Variants in SGMS2 observed in about 807,000 individuals in gnomAD.
SGMS2 encodes phosphatidylcholine:ceramide cholinephosphotransferase 2.
In SGMS2, 21 loss-of-function variants were observed where a neutral mutation model predicts 43.8. The ratio of observed to expected loss-of-function variants is 0.48; its 90% CI spans 0.34 to 0.69. The LOEUF (loss-of-function observed/expected upper bound fraction) is 0.69, where lower values mean the gene tolerates loss of function less well. Among genes scored for constraint, SGMS2 ranks in the 30% least tolerant of loss-of-function variants. The probability of loss-of-function intolerance (pLI) is 0.01; values close to 1 mark genes in which losing one functional copy is unlikely to be tolerated. For synonymous variants in SGMS2, 167 were observed against 160.6 expected, an observed-to-expected ratio of 1.04 and a Z score of -0.30; for missense variants, 384 against 443.2, an observed-to-expected ratio of 0.87 and a Z score of 1.20.
At chr4:107,840,768 G>A (rs981831798) in intron 1 of SGMS2, among the ~76,000 whole-genome samples, 1 of 152,148 alleles carries the variant, frequency 6.6e-6, no homozygotes, top group Admixed American at 6.5e-5. Flanking sequence ...ATGCTCTAGG[G>A]CCAATGGGAT....
chr4:107,910,303 A>G, intron 6 of SGMS2, 47 bp from the exon 7 acceptor site: 1 of 1,499,084 alleles, frequency 6.7e-7, no homozygotes, highest in Middle Eastern at 1.9e-4. Flanking sequence ...TTGGGATGCA[A>G]ATTGAGAAAG....
intron 2 of SGMS2, among the ~76,000 whole-genome samples, chr4:107,891,265 C>T (rs1033207513): frequency 6.6e-6 from 1 of 150,518 alleles, no homozygotes; most frequent in African/African-American, 2.5e-5. Context: ...TTGGTCAAAC[C>T]CAATGGGAAA....
At chr4:107,853,655 G>A (rs1727274774) in intron 1 of SGMS2, among the ~76,000 whole-genome samples, 1 of 152,140 alleles carries the variant, frequency 6.6e-6, no homozygotes, top group Non-Finnish European at 1.5e-5. Flanking sequence ...TTATAAAATG[G>A]GAGTTAGTCA....
intron 1 of SGMS2, among the ~76,000 whole-genome samples, chr4:107,843,546 G>C (rs1377870454): frequency 6.6e-6 from 1 of 152,188 alleles, no homozygotes; most frequent in Non-Finnish European, 1.5e-5. Context: ...TGGCAACAGA[G>C]ACTGGAGGAG....
In SGMS2 at chr4:107,911,212, G is replaced by A. The variant is rs895098765; in HGVS notation, c.*659G>A. 2.0e-5 allele frequency: 3 copies of A among 152,190 alleles called. No individual in the cohort carries two copies. The highest frequency in any genetic ancestry group is 2.9e-5 in the Non-Finnish European group (2 of 68,068). The allele number at this position is 152,190 out of a possible 1,614,324, so 9.4% of individuals were successfully genotyped here. Reference sequence around the variant, plus strand: ...AAGGAAAGCTGATCCAAGTAAACACGAAAGTATTTGACACACCCCACAGAT... The same window carrying A: ...AAGGAAAGCTGATCCAAGTAAACACAAAAGTATTTGACACACCCCACAGAT... On this transcript the variant is annotated 3_prime_UTR_variant, in exon 7 of 7. Coordinates refer to ENST00000690982, the MANE Select transcript of SGMS2 (RefSeq NM_001375905.1).
rs1168071880 is a variant in SGMS2, at chr4:107,901,811, G to T, written c.574-1422G>T. 3.3e-5 allele frequency among the ~76,000 whole-genome samples: 5 copies of T among 152,100 alleles called. No homozygotes were observed. In the East Asian group the frequency reaches 9.6e-4, roughly 29 times the overall value. ...ATTTTTCCACATACAAGAATGTTTG[G>T]CTGGGAGAGCAACATTCCCTTCCCT... On this transcript the variant is annotated intron_variant, in intron 4 of 6. Transcript: ENST00000690982.
chr4:107,877,331 C>T (rs1446372929), intron 2 of SGMS2, among the ~76,000 whole-genome samples: 1 of 152,070 alleles, frequency 6.6e-6, no homozygotes, highest in African/African-American at 2.4e-5. Context: ...TTCAACACCT[C>T]TCACTTCAAT....
intron 1 of SGMS2, among the ~76,000 whole-genome samples, chr4:107,844,736 TAATTTTAGATTCTAAAATGAACC>T (rs1325202246): frequency 1.6e-4 from 25 of 152,322 alleles, no homozygotes; most frequent in South Asian, 6.2e-4. Context: ...CATTAAGACT[TAATTTTAGATTCTAAAATGAACC>T]AATTTTAGAT....
chr4:107,910,626 T>C lies in SGMS2; in HGVS notation c.*73T>C. 7.0e-7 allele frequency: 1 copy of C among 1,421,702 alleles called. No individual in the cohort carries two copies. The highest frequency in any genetic ancestry group is 9.5e-7 in the Non-Finnish European group (1 of 1,048,304). The allele number at this position is 1,421,702 out of a possible 1,614,324, so 88.1% of individuals were successfully genotyped here. A position where few individuals can be genotyped will look rare whatever the true frequency, so the allele number is the denominator to read the frequency against. On this transcript the variant is annotated 3_prime_UTR_variant, in exon 7 of 7. Transcript: ENST00000690982. ...TAACCAAAGGTATAGTTTTGTTTTT[T>C]ATTTTAGGAGAACTGACTGGTAAAT...
chr4:107,827,287 A>G (rs764488307), intron 1 of SGMS2, among the ~76,000 whole-genome samples: 2 of 152,226 alleles, frequency 1.3e-5, no homozygotes, highest in Non-Finnish European at 2.9e-5. Flanking sequence ...AACGTTTAGT[A>G]TGCAACAACT....
At chr4:107,840,106 CCACATAACTTTTATA>C (rs1180207615) in intron 1 of SGMS2, among the ~76,000 whole-genome samples, 11 of 152,172 alleles carry the variant, frequency 7.2e-5, no homozygotes. Context: ...CTGTTTTAAT[CCACATAACTTTTATA>C]CACATATGCA....
chr4:107,879,278 A>G (rs1301617809), intron 2 of SGMS2, among the ~76,000 whole-genome samples: 1 of 152,036 alleles, frequency 6.6e-6, no homozygotes, highest in Non-Finnish European at 1.5e-5. Flanking sequence ...TTTGCTTTTC[A>G]TTAGATAGTT....
intron 2 of SGMS2, among the ~76,000 whole-genome samples, chr4:107,864,639 ATATT>A (rs766359658): frequency 6.6e-6 from 1 of 152,236 alleles, no homozygotes; most frequent in Non-Finnish European, 1.5e-5. Context: ...AAAATTGTAT[ATATT>A]AAGGTGTATA....
chr4:107,903,534 TGTGTGTGTGC>T (rs2126143745), intron 5 of SGMS2, 148 bp downstream of exon 5: 1 of 657,028 alleles, frequency 1.5e-6, no homozygotes, highest in East Asian at 2.8e-5. Flanking sequence ...AATGTGAATG[TGTGTGTGTGC>T]GTGTGTGTCT....
At chr4:107,829,757 T>A (rs1045084880) in intron 1 of SGMS2, among the ~76,000 whole-genome samples, 4 of 152,198 alleles carry the variant, frequency 2.6e-5, no homozygotes, top group African/African-American at 9.7e-5. Flanking sequence ...TTTTTTTAAA[T>A]TGAGACAGAG....
chr4:107,832,835 C>T (rs1204728924), intron 1 of SGMS2, among the ~76,000 whole-genome samples: 1 of 151,982 alleles, frequency 6.6e-6, no homozygotes, highest in Non-Finnish European at 1.5e-5. Flanking sequence ...TGAGACCAGC[C>T]CAGGCAACAT....
chr4:107,895,674 A>G lies in SGMS2; in HGVS notation c.121A>G (p.Lys41Glu). Residue 41 changes from lysine (K) to glutamate (E), a missense_variant, in exon 3 of 7, where the codon AAA becomes GAA. Physicochemically the swap from Lys to Glu is moderately conservative, Grantham distance 56. Transcript: ENST00000690982. ...VEEENKNGNG[K>E]PKSLSSGLRK... ...AGAAGAAAACAAAAATGGCAATGGT[A>G]AACCCAAGAGCTTATCCAGTGGGCT... is the stretch of plus-strand genomic sequence containing the variant. The G allele has an allele frequency of 6.2e-7, 1 of 1,614,030 alleles. No homozygotes were observed. The highest frequency in any genetic ancestry group is 8.5e-7 in the Non-Finnish European group (1 of 1,179,962).
chr4:107,829,954 G>T (rs1387387491), intron 1 of SGMS2, among the ~76,000 whole-genome samples: 2 of 152,062 alleles, frequency 1.3e-5, no homozygotes, highest in East Asian at 3.9e-4. Flanking sequence ...TGTCACAGGG[G>T]TTTGATGTAC....
intron 2 of SGMS2, among the ~76,000 whole-genome samples, chr4:107,879,279 TTAGA>T: frequency 6.6e-6 from 1 of 152,136 alleles, no homozygotes; most frequent in Non-Finnish European, 1.5e-5. Flanking sequence ...TTGCTTTTCA[TTAGA>T]TAGTTCTTGA....
Sources: allele counts gnomAD v4.1 joint callset (sites outside exome capture counted in the v4.1 genomes callset), GRCh38; gene constraint gnomAD v4.1.1; transcripts MANE v1.5; gene names NCBI Gene and HGNC (gene_info 2026-07-23, HGNC 2026-07-21).